CHST8: variants seen among roughly 807,000 people sequenced by gnomAD.
The protein encoded by CHST8 is carbohydrate sulfotransferase 8, also known as GALNAC-4-ST1.
CHST8 carries 10 observed loss-of-function variants against 15.0 expected under a neutral mutation model. The ratio of observed to expected loss-of-function variants is 0.67; its 90% CI spans 0.41 to 1.13. CHST8 has a LOEUF of 1.13. Among genes scored for constraint, CHST8 ranks in the 50% most tolerant of loss-of-function variants. The pLI is 0.00. For synonymous variants in CHST8, 259 were observed against 256.6 expected (o/e 1.01, Z -0.09); for missense variants, 634 against 608.2 (o/e 1.04, Z -0.45).
At chr19:33,635,568 T>G (rs759831243) in intron 1 of CHST8, among the ~76,000 whole-genome samples, 13 of 151,754 alleles carry the variant, frequency 8.6e-5, no homozygotes, top group Admixed American at 2.6e-4. Context: ...TGGCACCTCC[T>G]CCACAGAGGA....
intron 1 of CHST8, among the ~76,000 whole-genome samples, chr19:33,665,784 G>A (rs1006154639): frequency 3.9e-5 from 6 of 152,180 alleles, no homozygotes; most frequent in African/African-American, 1.4e-4. Flanking sequence ...GGAGGGGATG[G>A]GCAGGCCTTC....
chr19:33,628,779 C>G (rs1972089098), intron 1 of CHST8, among the ~76,000 whole-genome samples: 1 of 152,180 alleles, frequency 6.6e-6, no homozygotes, highest in South Asian at 2.1e-4. Flanking sequence ...GTCATTCTGT[C>G]TAAACTGGTA....
chr19:33,666,097 A>G (rs139971663), intron 1 of CHST8, among the ~76,000 whole-genome samples: 71 of 152,362 alleles, frequency 4.7e-4, no homozygotes, highest in African/African-American at 1.6e-3. Context: ...TGGCTGCACA[A>G]CAGGAAAGGC....
At chr19:33,740,229 G>A (rs1242140676) in intron 3 of CHST8, among the ~76,000 whole-genome samples, 1 of 152,128 alleles carries the variant, frequency 6.6e-6, no homozygotes, top group African/African-American at 2.4e-5. Context: ...TCACTCGTGG[G>A]TTGTGGTGTT....
At chr19:33,661,378 G>A (rs1972582499) in intron 1 of CHST8, among the ~76,000 whole-genome samples, 1 of 152,242 alleles carries the variant, frequency 6.6e-6, no homozygotes, top group Non-Finnish European at 1.5e-5. Context: ...GCCCTGAACT[G>A]AGGTTGAGCT....
intron 3 of CHST8, among the ~76,000 whole-genome samples, chr19:33,698,177 T>G (rs898979796): frequency 1.2e-4 from 18 of 152,118 alleles, no homozygotes; most frequent in African/African-American, 4.3e-4. Context: ...CTTGGGAGAC[T>G]GAGGCAGGAG....
chr19:33,732,909 C>G (rs1157128173), intron 3 of CHST8, among the ~76,000 whole-genome samples: 6 of 152,198 alleles, frequency 3.9e-5, no homozygotes, highest in Admixed American at 3.3e-4. Context: ...ACCCTCCCAG[C>G]AGATCAGTGT....
intron 1 of CHST8, among the ~76,000 whole-genome samples, chr19:33,665,447 A>C (rs1196587970): frequency 6.6e-6 from 1 of 152,166 alleles, no homozygotes; most frequent in Non-Finnish European, 1.5e-5. Flanking sequence ...GCTGTGTTCC[A>C]ATAAAACTTT....
intron 1 of CHST8, among the ~76,000 whole-genome samples, chr19:33,653,044 C>T (rs1200279784): frequency 1.3e-5 from 2 of 152,152 alleles, no homozygotes; most frequent in Non-Finnish European, 2.9e-5. Flanking sequence ...ATCATTATTA[C>T]TGTTGATTAT....
intron 3 of CHST8, among the ~76,000 whole-genome samples, chr19:33,696,274 G>C (rs1398110467): frequency 2.0e-5 from 3 of 152,132 alleles, no homozygotes. Context: ...CCAGGAGTGG[G>C]ATTCCTGGAT....
chr19:33,729,871 C>A (rs1209579143), intron 3 of CHST8, among the ~76,000 whole-genome samples: 1 of 152,172 alleles, frequency 6.6e-6, no homozygotes, highest in African/African-American at 2.4e-5. Flanking sequence ...GAGGAAGAAC[C>A]TGTGTTCTCA....
At chr19:33,751,627 G>A (rs1974423114) in intron 3 of CHST8, among the ~76,000 whole-genome samples, 1 of 152,170 alleles carries the variant, frequency 6.6e-6, no homozygotes, top group South Asian at 2.1e-4. Context: ...CCGTCCCCGG[G>A]CACTGGCAGG....
chr19:33,658,905 TCATTTAAA>T (rs1185640618), intron 1 of CHST8, among the ~76,000 whole-genome samples: 9 of 152,044 alleles, frequency 5.9e-5, no homozygotes, highest in African/African-American at 1.7e-4. Flanking sequence ...GTGGATTTAT[TCATTTAAA>T]CATTTATTAT....
At position 33,762,017 on chromosome 19, in the gene CHST8, G is replaced by A. The variant is rs537058715; in HGVS notation, c.131-9396G>A. On this transcript the variant is annotated intron_variant, in intron 3 of 4. Coordinates refer to ENST00000650847, the MANE Select transcript of CHST8 (RefSeq NM_001127895.2). ...TCACACACACAGGAAGCAGGCACCTGTGCAGCACAAATGTGTGCTGTGGTG... is the reference window on the plus strand; with the variant it reads ...TCACACACACAGGAAGCAGGCACCTATGCAGCACAAATGTGTGCTGTGGTG... Among the ~76,000 whole-genome samples the A allele has an allele frequency of 2.6e-5, 4 of 152,354 alleles. No homozygotes were observed. The South Asian group carries it at 8.3e-4, about 32-fold the overall frequency.
intron 3 of CHST8, among the ~76,000 whole-genome samples, chr19:33,756,640 T>C (rs964189373): frequency 6.6e-6 from 1 of 152,216 alleles, no homozygotes; most frequent in Non-Finnish European, 1.5e-5. Flanking sequence ...TCTGGCTTTG[T>C]TGTTCTGCAA....
intron 3 of CHST8, among the ~76,000 whole-genome samples, chr19:33,703,175 C>G (rs1011795387): frequency 1.3e-5 from 2 of 152,212 alleles, no homozygotes; most frequent in African/African-American, 4.8e-5. Context: ...GCCCTTTGCC[C>G]GGCTCTGTCC....
At chr19:33,678,619 G>A (rs1459949690) in intron 2 of CHST8, among the ~76,000 whole-genome samples, 1 of 152,082 alleles carries the variant, frequency 6.6e-6, no homozygotes, top group Non-Finnish European at 1.5e-5. Flanking sequence ...AAATTGAGTA[G>A]TCCCAGCTAC....
intron 3 of CHST8, among the ~76,000 whole-genome samples, chr19:33,752,463 A>C (rs1399009162): frequency 6.6e-6 from 1 of 152,176 alleles, no homozygotes; most frequent in Non-Finnish European, 1.5e-5. Flanking sequence ...TAACTGATTA[A>C]TATTAATGTG....
In CHST8 at chr19:33,772,580, G is replaced by A. The variant is rs763894788; in HGVS notation, c.792G>A (p.Leu264=). 1 of 1,613,926 alleles carries A rather than the reference G, an allele frequency of 6.2e-7. No homozygotes were observed. Among genetic ancestry groups the A allele is most frequent in the African/African-American group, 1.3e-5 (1 of 74,948 alleles). ...MLFVREPFER[L]VSAFRDKFEH... is the part of the protein sequence containing the mutation. The stretch of plus-strand genomic sequence containing the variant: ...TTGTCCGCGAGCCCTTCGAGAGGCT[G>A]GTGTCCGCCTTCCGCGACAAGTTTG... Residue 264 remains leucine (L), a synonymous_variant, in exon 5 of 5, where the codon CTG becomes CTA. Coordinates refer to ENST00000650847, the MANE Select transcript of CHST8 (RefSeq NM_001127895.2).
Sources: allele counts gnomAD v4.1 joint callset (sites outside exome capture counted in the v4.1 genomes callset), GRCh38; gene constraint gnomAD v4.1.1; transcripts MANE v1.5; gene names NCBI Gene and HGNC (gene_info 2026-07-23, HGNC 2026-07-21).